The following SF3B1 variants were observed in gnomAD, a reference collection of about 807,000 sequenced individuals.
SF3B1 encodes the protein splicing factor 3b subunit 1, also known as pre-mRNA processing 10.
SF3B1 carries 12 observed loss-of-function variants against 153.8 expected under a neutral mutation model. The observed-to-expected ratio is 0.08, with a 90% confidence interval of 0.05 to 0.13. The LOEUF is 0.13. SF3B1 is among the 10% of genes least tolerant of loss of function. The pLI is 1.00. For missense variants in SF3B1, 513 were observed against 1,606.1 expected (o/e 0.32, Z 11.63); for synonymous variants, 498 against 525.2 (o/e 0.95, Z 0.71).
chr2:197,421,391 G>GT, intron 2 of SF3B1, among the ~76,000 whole-genome samples: 1 of 152,202 alleles, frequency 6.6e-6, no homozygotes, highest in East Asian at 1.9e-4. Context: ...GATAAAGTAG[G>GT]TATGGACTAG....
intron 2 of SF3B1, 88 bp downstream of exon 2, chr2:197,423,720 A>T: frequency 3.0e-6 from 4 of 1,334,478 alleles, no homozygotes; most frequent in Non-Finnish European, 4.2e-6. Context: ...GTTTCTCCAG[A>T]TTAAACCAGA....
intron 20 of SF3B1, 55 bp downstream of exon 20, chr2:197,400,000 A>C (rs1303390215): frequency 2.4e-6 from 3 of 1,246,776 alleles, no homozygotes; most frequent in Non-Finnish European, 3.4e-6. Context: ...CGAAAAAAAA[A>C]AGAAAAAGAA....
chr2:197,408,123 C>T lies in SF3B1; in HGVS notation c.1118-4G>A. 1 of 1,610,008 alleles carries T rather than the reference C, an allele frequency of 6.2e-7. No individual in the cohort carries two copies. The highest frequency in any genetic ancestry group is 1.7e-5 in the Admixed American group (1 of 59,710). On this transcript the variant is annotated splice_region_variant and splice_polypyrimidine_tract_variant and intron_variant, in intron 8 of 24. Coordinates refer to ENST00000335508, the MANE Select transcript of SF3B1 (RefSeq NM_012433.4). The stretch of plus-strand genomic sequence containing the variant: ...GGAGTCATACTCATTATGTGACCTA[C>T]CAAGAAAAGCAAATTTTTATATAAT...
At position 197,407,995 on chromosome 2, in the gene SF3B1, T is replaced by C. The variant is rs2085017468; in HGVS notation, c.1239+3A>G. 6.2e-7 allele frequency: 1 copy of C among 1,610,226 alleles called. No homozygotes were observed. The highest frequency in any genetic ancestry group is 8.5e-7 in the Non-Finnish European group (1 of 1,177,594). On this transcript the variant is annotated splice_donor_region_variant and intron_variant, in intron 9 of 24. Transcript: ENST00000335508. ...ACCACCTCATTCAAATTTGATGTACTACCTTATATCCTTCTGGGAACATAG... is the reference window on the plus strand; with the variant it reads ...ACCACCTCATTCAAATTTGATGTACCACCTTATATCCTTCTGGGAACATAG...
rs1259551914 is a variant in SF3B1 at position 197,402,417 on chromosome 2, G to T, written c.2077+139C>A. ...TATTAAACATGGACAGGCTGTGTGT[G>T]TACCTCTAGTCCCAACTACTAAGGA... On this transcript the variant is annotated intron_variant, in intron 14 of 24. Coordinates refer to ENST00000335508, the MANE Select transcript of SF3B1 (RefSeq NM_012433.4). This position sits in a 1 kb window ranked among gnomAD's most constrained non-coding sequence, Gnocchi z 4.6. 14 of 767,562 alleles carry T rather than the reference G, an allele frequency of 1.8e-5. No individual in the cohort carries two copies. The highest frequency in any genetic ancestry group is 2.7e-5 in the Non-Finnish European group (13 of 488,260). The allele number at this position is 767,562 out of a possible 1,614,324, so 47.5% of individuals were successfully genotyped here.
chr2:197,395,473 T>C (rs2084866078), intron 23 of SF3B1, among the ~76,000 whole-genome samples: 1 of 152,246 alleles, frequency 6.6e-6, no homozygotes, highest in Non-Finnish European at 1.5e-5. Flanking sequence ...CTTACTACGC[T>C]TGCACTTTCC....
intron 22 of SF3B1, among the ~76,000 whole-genome samples, chr2:197,397,396 G>C (rs2084888080): frequency 6.6e-6 from 1 of 152,154 alleles, no homozygotes; most frequent in Non-Finnish European, 1.5e-5. Flanking sequence ...TAGAAGACCA[G>C]CACACATTTT....
At position 197,409,167 on chromosome 2, in the gene SF3B1, A is replaced by AG. The variant is rs976444759; in HGVS notation, c.905-587dup. On this transcript the variant is annotated intron_variant, in intron 7 of 24. Transcript: ENST00000335508. ...GTAATCCCAGCATTTCAGAAGGCCG[A>AG]GGGGGGCAGATCATCTGAGGTCGGG... 9.9e-5 allele frequency among the ~76,000 whole-genome samples: 15 copies of AG among 152,012 alleles called. No homozygotes were observed. In the South Asian group the frequency reaches 1.9e-3, roughly 19 times the overall value.
chr2:197,391,732 G>A lies in SF3B1; in HGVS notation c.*571C>T, dbSNP rs752284909. 4 of 152,744 alleles carry A rather than the reference G, an allele frequency of 2.6e-5. No individual in the cohort carries two copies. The highest frequency in any genetic ancestry group is 4.8e-5 in the African/African-American group (2 of 41,468). 9.5% of individuals were successfully genotyped at this position (152,744 alleles called of 1,614,324 possible). On this transcript the variant is annotated 3_prime_UTR_variant, in exon 25 of 25. Transcript: ENST00000335508. ...TTTAGCAAAAGTGCTACTTTTCTAC[G>A]ATGATGGAATGGTTGTGCTAGTTTG...
Position 197,402,773 on chromosome 2 carries a change from C to A in SF3B1, c.1860G>T (p.Met620Ile), listed in dbSNP as rs1044297193. The change falls in exon 14 of 25, where the codon ATG becomes ATT. Residue 620 changes from methionine (M) to isoleucine (I), a missense_variant. Physicochemically the swap from Met to Ile is conservative, Grantham distance 10. This residue lies in a region of SF3B1 where 11 missense variants were observed against 16.2 expected (regional missense o/e 0.68). Coordinates refer to ENST00000335508, the MANE Select transcript of SF3B1 (RefSeq NM_012433.4). The surrounding 1 kb of genome is among the most constrained non-coding windows in gnomAD (Gnocchi z 4.6). ...ISTMRPDIDN[M>I]DEYVRNTTAR... ...CTGTTGTGTTACGGACATACTCATC[C>A]ATGTTATCTATATCAGGTCTCATGG... The A allele has an allele frequency of 6.2e-7, 1 of 1,613,964 alleles. No individual in the cohort carries two copies. Among genetic ancestry groups the A allele is most frequent in the Non-Finnish European group, 8.5e-7 (1 of 1,179,992 alleles).
chr2:197,419,764 A>G (rs1052873272), intron 4 of SF3B1: 7 of 223,474 alleles, frequency 3.1e-5, no homozygotes, highest in African/African-American at 1.6e-4. Flanking sequence ...CAGGCTGAAA[A>G]GTCTAGTATG....
intron 20 of SF3B1, 165 bp from the exon 21 acceptor site, chr2:197,398,746 TTTTA>T (rs2084904139): frequency 3.1e-6 from 2 of 644,286 alleles, no homozygotes; most frequent in South Asian, 4.1e-5. Flanking sequence ...CGTTTTTAAC[TTTTA>T]TTAACAATTT....
intron 4 of SF3B1, chr2:197,419,151 C>T (rs2085201013): frequency 2.0e-6 from 1 of 491,238 alleles, no homozygotes; most frequent in East Asian, 3.2e-5. Flanking sequence ...TGTCACGTTA[C>T]TAAAAAGGGC....
rs1410817121 is a variant in SF3B1, at chr2:197,400,394, G to A, written c.2759C>T (p.Ala920Val). The change falls in exon 19 of 25, where the codon GCT becomes GTT. Residue 920 changes from alanine (A) to valine (V), a missense_variant. Physicochemically the swap from Ala to Val is moderately conservative, Grantham distance 64 (BLOSUM62 0). This residue lies in a region of SF3B1 where 20 missense variants were observed against 90.4 expected (regional missense o/e 0.22). Transcript: ENST00000335508. This position sits in a 1 kb window ranked among gnomAD's most constrained non-coding sequence, Gnocchi z 5.0. ...GTATGGTTTGACTCGTTTGCCAAGA[G>A]CATTAACCACTGTGCCAAAGCCGTT... is the stretch of plus-strand genomic sequence containing the variant. ...MLNGFGTVVN[A>V]LGKRVKPYLP... 1 of 1,613,536 alleles carries A rather than the reference G, an allele frequency of 6.2e-7. No homozygotes were observed. The highest frequency in any genetic ancestry group is 8.5e-7 in the Non-Finnish European group (1 of 1,179,840).
intron 6 of SF3B1, among the ~76,000 whole-genome samples, chr2:197,414,181 G>C (rs947909717): frequency 1.3e-5 from 2 of 152,182 alleles, no homozygotes; most frequent in African/African-American, 4.8e-5. Context: ...TGTATGCGAA[G>C]AAAATCAATA....
chr2:197,421,575 T>A (rs1356866409), intron 2 of SF3B1, among the ~76,000 whole-genome samples: 1 of 152,234 alleles, frequency 6.6e-6, no homozygotes, highest in African/African-American at 2.4e-5. Context: ...AGTAGTATGT[T>A]TAAACAGAAC....
intron 20 of SF3B1, 90 bp downstream of exon 20, chr2:197,399,965 C>A: frequency 1.1e-6 from 1 of 874,038 alleles, no homozygotes; most frequent in Non-Finnish European, 1.8e-6. Flanking sequence ...AAAAACCTCC[C>A]AACTCCTAAA....
intron 5 of SF3B1, among the ~76,000 whole-genome samples, chr2:197,417,443 T>C (rs556357026): frequency 2.0e-5 from 3 of 151,916 alleles, no homozygotes; most frequent in Non-Finnish European, 4.4e-5. Context: ...ATATTCATAA[T>C]AGTAATGGAG....
intron 1 of SF3B1, among the ~76,000 whole-genome samples, chr2:197,426,490 T>A (rs537117410): frequency 6.6e-6 from 1 of 151,988 alleles, no homozygotes; most frequent in African/African-American, 2.4e-5. Context: ...CACAGGTGCA[T>A]TTATCACTTT....
Sources: allele counts gnomAD v4.1 joint callset (sites outside exome capture counted in the v4.1 genomes callset), GRCh38; gene constraint gnomAD v4.1.1; regional missense constraint gnomAD v4.1.1; non-coding constraint Gnocchi (gnomAD v3.1); transcripts MANE v1.5; gene names NCBI Gene and HGNC (gene_info 2026-07-23, HGNC 2026-07-21).